Variants in NCOR1 observed in about 807,000 individuals in gnomAD.
NCOR1 encodes protein phosphatase 1, regulatory subunit 109.
In NCOR1, 63 loss-of-function variants were observed where a neutral mutation model predicts 288.1. That is an observed-to-expected ratio of 0.22 (90% CI 0.18 to 0.27). The LOEUF (loss-of-function observed/expected upper bound fraction) is 0.27, where lower values mean the gene tolerates loss of function less well. NCOR1 is among the 10% of genes least tolerant of loss of function. NCOR1 has a pLI of 1.00. For missense variants in NCOR1, 2,397 were observed against 3,019.2 expected (o/e 0.79, Z 4.83); for synonymous variants, 1,007 against 1,065.9 (o/e 0.94, Z 1.08).
At chr17:16,132,791 C>CTT (rs34110444) in intron 14 of NCOR1, among the ~76,000 whole-genome samples, 1,386 of 130,040 alleles carry the variant, frequency 0.011, 51 homozygotes, top group African/African-American at 0.032. Context: ...GCAAACTACA[C>CTT]TTTTTTTTTT....
At chr17:16,056,200 G>T (rs1038046513) in intron 40 of NCOR1, among the ~76,000 whole-genome samples, 2 of 151,726 alleles carry the variant, frequency 1.3e-5, no homozygotes, top group African/African-American at 4.8e-5. Context: ...TTCAGGCTCT[G>T]AGCCATGGCT....
At chr17:16,138,804 A>G (rs1313404256) in intron 12 of NCOR1, among the ~76,000 whole-genome samples, 3 of 152,212 alleles carry the variant, frequency 2.0e-5, no homozygotes, top group Admixed American at 1.3e-4. Flanking sequence ...ACATGACTCC[A>G]TAACCCCAGT....
At chr17:16,100,571 G>A (rs1169226116) in intron 20 of NCOR1, among the ~76,000 whole-genome samples, 1 of 152,162 alleles carries the variant, frequency 6.6e-6, no homozygotes, top group Non-Finnish European at 1.5e-5. Context: ...AACTCAAGAG[G>A]TGGAGGATGC....
rs1255349236 is a variant in NCOR1, at chr17:16,143,639, A to T, written c.1140T>A (p.Ile380=). 5 of 1,613,774 alleles carry T rather than the reference A, an allele frequency of 3.1e-6. No homozygotes were observed. The Admixed American group carries it at 6.7e-5, about 22-fold the overall frequency. The change falls in exon 11 of 46, where the codon ATT becomes ATA. Residue 380 remains isoleucine (I), a synonymous_variant. Coordinates refer to ENST00000268712, the MANE Select transcript of NCOR1 (RefSeq NM_006311.4). ...CAGAGAGCCCATCAATAATTTCAGA[A>T]ATCTCATGCTCACTCCTAGCAATGG... The part of the protein sequence containing the change: ...SATIARSEHE[I]SEIIDGLSEQ...
intron 40 of NCOR1, among the ~76,000 whole-genome samples, chr17:16,053,931 AC>A (rs1567725244): frequency 6.6e-6 from 1 of 152,060 alleles, no homozygotes; most frequent in Non-Finnish European, 1.5e-5. Flanking sequence ...CCTGACAAAA[AC>A]AAGCAATGAG....
intron 1 of NCOR1, among the ~76,000 whole-genome samples, chr17:16,206,794 T>C (rs967087931): frequency 5.3e-5 from 8 of 152,112 alleles, no homozygotes; most frequent in Non-Finnish European, 1.0e-4. Flanking sequence ...TATAAAAGAA[T>C]AGTACATTAT....
At chr17:16,187,421 C>T (rs1215046625) in intron 2 of NCOR1, among the ~76,000 whole-genome samples, 1 of 151,670 alleles carries the variant, frequency 6.6e-6, no homozygotes, top group East Asian at 1.9e-4. Flanking sequence ...ACCAAAATGT[C>T]CATCAACTAA....
intron 4 of NCOR1, among the ~76,000 whole-genome samples, chr17:16,167,644 G>C (rs1393440045): frequency 6.6e-6 from 1 of 151,824 alleles, no homozygotes; most frequent in Non-Finnish European, 1.5e-5. Flanking sequence ...CAGATCACTA[G>C]AGGTCAGGAG....
intron 14 of NCOR1, among the ~76,000 whole-genome samples, chr17:16,130,518 TGA>T (rs1380795246): frequency 1.3e-5 from 2 of 152,188 alleles, no homozygotes; most frequent in African/African-American, 4.8e-5. Context: ...ACTCAATACT[TGA>T]GAGCCAATAA....
chr17:16,180,373 CAAAGAAATTAAA>C (rs897102510), intron 3 of NCOR1, among the ~76,000 whole-genome samples: 2 of 152,020 alleles, frequency 1.3e-5, no homozygotes, highest in Admixed American at 6.6e-5. Context: ...TGGAAGGCCC[CAAAGAAATTAAA>C]AATACAACTA....
At chr17:16,078,673 T>C (rs1005048676) in intron 26 of NCOR1, among the ~76,000 whole-genome samples, 1 of 152,148 alleles carries the variant, frequency 6.6e-6, no homozygotes, top group Admixed American at 6.5e-5. Flanking sequence ...CCTCCCAGGT[T>C]CAAGTGATTC....
rs1346501732 is a variant in NCOR1 at position 16,194,650 on chromosome 17, T to C, written c.-70-11A>G. The C allele has an allele frequency of 2.4e-6, 2 of 828,790 alleles. No homozygotes were observed. Among genetic ancestry groups the C allele is most frequent in the African/African-American group, 1.7e-5 (1 of 58,538 alleles). The allele number at this position is 828,790 out of a possible 1,614,324, so 51.3% of individuals were successfully genotyped here. A position where few individuals can be genotyped will look rare whatever the true frequency, so the allele number is the denominator to read the frequency against. On this transcript the variant is annotated splice_polypyrimidine_tract_variant and intron_variant, in intron 1 of 45. Coordinates refer to ENST00000268712, the MANE Select transcript of NCOR1 (RefSeq NM_006311.4). The stretch of plus-strand genomic sequence containing the variant: ...TTTCTAGGAAACCACCTAAACAGGA[T>C]GAGAAAAAAACAGAATTAGTAAGAA...
intron 20 of NCOR1, 61 bp from the exon 21 acceptor site, chr17:16,098,557 C>CA: frequency 6.9e-7 from 1 of 1,458,592 alleles, no homozygotes; most frequent in Non-Finnish European, 9.4e-7. Context: ...AACATATAAT[C>CA]ACTATAAGTT....
At chr17:16,081,454 T>C (rs922991604) in intron 23 of NCOR1, among the ~76,000 whole-genome samples, 1 of 151,298 alleles carries the variant, frequency 6.6e-6, no homozygotes, top group Admixed American at 6.6e-5. Context: ...TTTTAACTTG[T>C]TCCATTCTCA....
chr17:16,136,964 C>G (rs915085207), intron 14 of NCOR1, among the ~76,000 whole-genome samples: 1 of 152,042 alleles, frequency 6.6e-6, no homozygotes, highest in African/African-American at 2.4e-5. Flanking sequence ...CTGACCCCTC[C>G]TCAGATAAAC....
chr17:16,106,884 T>TATATATATATATA (rs58380966), intron 19 of NCOR1, among the ~76,000 whole-genome samples: 4 of 32,706 alleles, frequency 1.2e-4, no homozygotes, highest in South Asian at 1.8e-3. Flanking sequence ...TATATATATA[T>TATATATATATATA]TTTTTTTTTT....
At position 16,138,031 on chromosome 17, in the gene NCOR1, CAT is replaced by C. The variant is rs59115826; in HGVS notation, c.1407+125_1407+126del. 2.9e-3 allele frequency: 1,926 copies of C among 667,122 alleles called. 17 individuals are homozygous for C. Among genetic ancestry groups the C allele is most frequent in the African/African-American group, 0.028 (1,532 of 54,318 alleles). 41.3% of individuals were successfully genotyped at this position (667,122 alleles called of 1,614,324 possible). A position where few individuals can be genotyped will look rare whatever the true frequency, so the allele number is the denominator to read the frequency against. Reference sequence around the variant, plus strand: ...ATTGTAATTATCATTACATTAATCACATGAGACTCTTCGCAGTCTTTTTAAAA... The same window carrying C: ...ATTGTAATTATCATTACATTAATCACGAGACTCTTCGCAGTCTTTTTAAAA... On this transcript the variant is annotated intron_variant, in intron 13 of 45. Coordinates refer to ENST00000268712, the MANE Select transcript of NCOR1 (RefSeq NM_006311.4).
At chr17:16,063,983 A>C (rs2060826840) in intron 35 of NCOR1, 85 bp downstream of exon 35, 2 of 1,434,854 alleles carry the variant, frequency 1.4e-6, no homozygotes, top group South Asian at 1.6e-5. Flanking sequence ...GTTTCCATCA[A>C]AACTTTTTGT....
rs1356737181 is a variant in NCOR1 at position 16,029,356 on chromosome 17, T to C, written c.*2940A>G. ...GATCTCCTTTACTGATTGGTCTAAA[T>C]TCAAAAGTGAATTGGTTAAAATCGT... is the stretch of plus-strand genomic sequence containing the variant. On this transcript the variant is annotated 3_prime_UTR_variant, in exon 46 of 46. Transcript: ENST00000268712. The C allele has an allele frequency of 2.1e-5, 8 of 386,086 alleles. No homozygotes were observed. In the East Asian group the frequency reaches 6.0e-4, roughly 29 times the overall value. The allele number at this position is 386,086 out of a possible 1,614,324, so 23.9% of individuals were successfully genotyped here.
Sources: gnomAD v4.1 joint callset for allele counts (sites outside exome capture counted in the v4.1 genomes callset) on GRCh38, gnomAD v4.1.1 for gene constraint, MANE v1.5 for transcripts, NCBI Gene and HGNC (gene_info 2026-07-23, HGNC 2026-07-21) for gene names.